MAP3K21: variants seen among roughly 807,000 people sequenced by gnomAD.
MAP3K21 encodes mitogen-activated protein kinase kinase kinase 21.
Under a neutral mutation model 86.1 loss-of-function variants are expected in MAP3K21, and 63 were observed. The observed-to-expected ratio is 0.73, with a 90% CI of 0.60 to 0.90. The LOEUF is 0.90. Among genes scored for constraint, MAP3K21 ranks in the 40% least tolerant of loss-of-function variants. The pLI is 0.00. For synonymous variants in MAP3K21, 558 were observed against 564.8 expected, an observed-to-expected ratio of 0.99 and a Z score of 0.17; for missense variants, 1,220 against 1,367.7, an observed-to-expected ratio of 0.89 and a Z score of 1.70.
chr1:233,341,462 A>T (rs908659577), intron 1 of MAP3K21, among the ~76,000 whole-genome samples: 18 of 152,270 alleles, frequency 1.2e-4, no homozygotes, highest in African/African-American at 3.6e-4. Flanking sequence ...AAGGGTTGAC[A>T]TTTGGAGTGT....
chr1:233,340,665 A>G (rs1435280977), intron 1 of MAP3K21, among the ~76,000 whole-genome samples: 1 of 152,146 alleles, frequency 6.6e-6, no homozygotes, highest in Non-Finnish European at 1.5e-5. Flanking sequence ...GAAAAGAAAT[A>G]TGAGAAACAT....
At position 233,362,051 on chromosome 1, in the gene MAP3K21, A is replaced by G; in HGVS notation, c.1312-2A>G. On this transcript the variant is annotated splice_acceptor_variant, in intron 4 of 9. Transcript: ENST00000366624. LOFTEE classifies it high-confidence loss of function. ...TCCGGTGGGTGTGAATCTGTGTCGC[A>G]GGAGCTGCGATCCCGGGAAGAGGAG... 6.2e-7 allele frequency: 1 copy of G among 1,611,210 alleles called. No individual in the cohort carries two copies. Among genetic ancestry groups the G allele is most frequent in the Non-Finnish European group, 8.5e-7 (1 of 1,178,806 alleles).
intron 4 of MAP3K21, among the ~76,000 whole-genome samples, chr1:233,358,768 C>T (rs1323322970): frequency 6.6e-6 from 1 of 151,530 alleles, no homozygotes; most frequent in African/African-American, 2.4e-5. Context: ...GCACTCCAGC[C>T]TGGGCGACAG....
chr1:233,362,175 A>G lies in MAP3K21; in HGVS notation c.1434A>G (p.Glu478=). The G allele has an allele frequency of 6.2e-7, 1 of 1,614,244 alleles. No individual in the cohort carries two copies. The highest frequency in any genetic ancestry group is 8.5e-7 in the Non-Finnish European group (1 of 1,180,050). The change falls in exon 5 of 10, where the codon GAA becomes GAG. Residue 478 remains glutamate (E), a synonymous_variant. Transcript: ENST00000366624. ...GCGAGATCGACGTGCTGGAGCGGGA[A>G]CTTAACATTCTGATATTCCAGCTAA... ...AEREIDVLER[E]LNILIFQLNQ...
At chr1:233,378,652 T>C (rs1663844151) in intron 8 of MAP3K21, among the ~76,000 whole-genome samples, 1 of 152,122 alleles carries the variant, frequency 6.6e-6, no homozygotes, top group Non-Finnish European at 1.5e-5. Flanking sequence ...TCTACAATAG[T>C]GTCTATTATT....
At chr1:233,358,056 TG>T (rs201475551) in intron 4 of MAP3K21, among the ~76,000 whole-genome samples, 38 of 147,508 alleles carry the variant, frequency 2.6e-4, no homozygotes, top group African/African-American at 2.8e-4. Context: ...TTGTGCCTGA[TG>T]GGTTTTTTTT....
chr1:233,370,604 T>C (rs1663662368), intron 5 of MAP3K21, among the ~76,000 whole-genome samples: 1 of 152,226 alleles, frequency 6.6e-6, no homozygotes, highest in Non-Finnish European at 1.5e-5. Flanking sequence ...CTTTAAAGTA[T>C]AACTTCCAAA....
At chr1:233,354,635 G>A (rs1663314045) in intron 3 of MAP3K21, among the ~76,000 whole-genome samples, 2 of 152,184 alleles carry the variant, frequency 1.3e-5, no homozygotes, top group Non-Finnish European at 2.9e-5. Flanking sequence ...ATGCATGCCT[G>A]TGACATGGAC....
intron 8 of MAP3K21, among the ~76,000 whole-genome samples, 155 bp downstream of exon 8, chr1:233,376,682 T>C (rs1663804273): frequency 2.0e-5 from 3 of 152,226 alleles, no homozygotes; most frequent in South Asian, 4.1e-4. Flanking sequence ...AATTCAGAAG[T>C]TATTTTCCGT....
intron 5 of MAP3K21, among the ~76,000 whole-genome samples, chr1:233,364,134 C>T (rs977507187): frequency 2.0e-5 from 3 of 152,120 alleles, no homozygotes; most frequent in Non-Finnish European, 2.9e-5. Flanking sequence ...ATCCTTATCA[C>T]TTTTACCTTC....
chr1:233,339,268 C>CTTCTTCTTCTTCTTCT (rs1390932387), intron 1 of MAP3K21, among the ~76,000 whole-genome samples: 3 of 19,856 alleles, frequency 1.5e-4, no homozygotes, highest in African/African-American at 1.7e-4. Flanking sequence ...CTTCTTCTTC[C>CTTCTTCTTCTTCTTCT]TCTTCTTCTT....
At chr1:233,344,971 A>T (rs1424111154) in intron 1 of MAP3K21, among the ~76,000 whole-genome samples, 3 of 152,224 alleles carry the variant, frequency 2.0e-5, no homozygotes, top group African/African-American at 7.2e-5. Context: ...GCCAACAGAC[A>T]CATGAAAAAA....
intron 2 of MAP3K21, among the ~76,000 whole-genome samples, chr1:233,352,334 C>G (rs112173627): frequency 6.6e-6 from 1 of 152,144 alleles, no homozygotes; most frequent in Non-Finnish European, 1.5e-5. Context: ...GGAACATCCT[C>G]TCTTCTAGCT....
rs1408063247 is a variant in MAP3K21 at position 233,382,475 on chromosome 1, G to A, written c.2875G>A (p.Ala959Thr). The A allele has an allele frequency of 1.2e-6, 2 of 1,614,032 alleles. No homozygotes were observed. The highest frequency in any genetic ancestry group is 4.5e-5 in the East Asian group (2 of 44,878). The stretch of plus-strand genomic sequence containing the variant: ...GAGAAGCCGCTCAGATCTGCCTCAG[G>A]CTTACCCACAGACAGCAGTGTCTCA... ...SLRSRSDLPQ[A>T]YPQTAVSQLA... Residue 959 changes from alanine (A) to threonine (T), a missense_variant, in exon 10 of 10, where the codon GCT (alanine) becomes ACT (threonine). Transcript: ENST00000366624.
In MAP3K21 at chr1:233,382,548, C is replaced by T. The variant is rs1426232569; in HGVS notation, c.2948C>T (p.Thr983Ile). 1 of 1,614,038 alleles carries T rather than the reference C, an allele frequency of 6.2e-7. No homozygotes were observed. The highest frequency in any genetic ancestry group is 8.5e-7 in the Non-Finnish European group (1 of 1,180,038). ...GTGGGTCGCCCAGGACCACATCCCA[C>T]CCAATTCCTCGCTGCCAAGGAGAGA... The part of the protein sequence containing the change: ...CVVGRPGPHP[T>I]QFLAAKERTK... Residue 983 changes from threonine (T) to isoleucine (I), a missense_variant, in exon 10 of 10, where the codon ACC becomes ATC. Around this residue, in one of 5 missense-constraint regions of MAP3K21, gnomAD observed 632 missense variants for 691.3 expected, o/e 0.91. Coordinates refer to ENST00000366624, the MANE Select transcript of MAP3K21 (RefSeq NM_032435.3).
At chr1:233,349,518 A>G (rs897029039) in intron 2 of MAP3K21, among the ~76,000 whole-genome samples, 1 of 152,230 alleles carries the variant, frequency 6.6e-6, no homozygotes, top group Non-Finnish European at 1.5e-5. Context: ...GCAGAAGAGA[A>G]AAAAAGGAAA....
chr1:233,365,714 T>A (rs1663559915), intron 5 of MAP3K21, among the ~76,000 whole-genome samples: 1 of 152,168 alleles, frequency 6.6e-6, no homozygotes, highest in Admixed American at 6.5e-5. Flanking sequence ...TCATTTTAAA[T>A]CTTATGGCTA....
Position 233,354,034 on chromosome 1 carries a change from G to A in MAP3K21, c.1135+79G>A, listed in dbSNP as rs182285870. The A allele has an allele frequency of 4.5e-6, 6 of 1,346,386 alleles. No homozygotes were observed. In the South Asian group the frequency reaches 7.1e-5, roughly 16 times the overall value. The allele number at this position is 1,346,386 out of a possible 1,614,324, so 83.4% of individuals were successfully genotyped here. On this transcript the variant is annotated intron_variant, in intron 3 of 9. Transcript: ENST00000366624. ...TATCATTTTTTAAAAAACAGAAAAA[G>A]CATTTTCTGTGACTCTAATTTCCAA...
chr1:233,346,346 C>A, intron 1 of MAP3K21, 96 bp from the exon 2 acceptor site: 1 of 904,946 alleles, frequency 1.1e-6, no homozygotes, highest in Non-Finnish European at 1.7e-6. Flanking sequence ...TTTATTCTGC[C>A]AACTACAGTG....
Sources: allele counts gnomAD v4.1 joint callset (sites outside exome capture counted in the v4.1 genomes callset), GRCh38; gene constraint gnomAD v4.1.1; regional missense constraint gnomAD v4.1.1; transcripts MANE v1.5; gene names NCBI Gene and HGNC (gene_info 2026-07-23, HGNC 2026-07-21).